Variants in MED12L observed in about 807,000 individuals in gnomAD.
The protein encoded by MED12L is mediator complex subunit 12L.
A neutral mutation model predicts 281.3 loss-of-function variants in MED12L; 60 were observed. That is an observed-to-expected ratio of 0.21 (90% CI 0.17 to 0.26). The LOEUF (loss-of-function observed/expected upper bound fraction) is 0.26. Among genes scored for constraint, MED12L ranks in the 10% least tolerant of loss-of-function variants. MED12L has a pLI of 1.00. For synonymous variants in MED12L, 974 were observed against 987.2 expected (o/e 0.99, Z 0.25); for missense variants, 2,146 against 2,680.9 (o/e 0.80, Z 4.41).
At chr3:151,209,989 T>A (rs773033496) in intron 16 of MED12L, among the ~76,000 whole-genome samples, 58 of 152,224 alleles carry the variant, frequency 3.8e-4, no homozygotes, top group Non-Finnish European at 1.5e-4. Flanking sequence ...CACTCAGCTT[T>A]GTAACCAGGA....
Position 151,364,978 on chromosome 3 carries a change from G to A in MED12L, c.2958-1G>A. ...TTTAACTTTTTTTCTTATAACCTCA[G>A]TAGTGCCTGTTCAAAAGTAAAGCAA... On this transcript the variant is annotated splice_acceptor_variant, in intron 21 of 44. Coordinates refer to ENST00000687756, the MANE Select transcript of MED12L (RefSeq NM_001393769.1). LOFTEE classifies it high-confidence loss of function. 3 of 1,609,436 alleles carry A rather than the reference G, an allele frequency of 1.9e-6. No individual in the cohort carries two copies. In the South Asian group the frequency reaches 3.3e-5, roughly 18 times the overall value.
intron 39 of MED12L, among the ~76,000 whole-genome samples, chr3:151,401,725 G>A (rs1272261514): frequency 6.6e-6 from 1 of 152,186 alleles, no homozygotes; most frequent in Non-Finnish European, 1.5e-5. Flanking sequence ...TTCAGAGGGT[G>A]TAATTAATAT....
In MED12L at chr3:151,286,372, ATTAT is replaced by A. The variant is rs376170636; in HGVS notation, c.2251-63681_2251-63678del. Among the ~76,000 whole-genome samples the A allele has an allele frequency of 3.8e-3, 572 of 152,346 alleles. 3 individuals carry two copies. The highest frequency in any genetic ancestry group is 0.013 in the African/African-American group (554 of 41,578). The stretch of plus-strand genomic sequence containing the variant: ...AGAAAAAATATAAATTAGAATTTAA[ATTAT>A]TTATTCCTTCTGCAAGCAAAAGCAA... On this transcript the variant is annotated intron_variant, in intron 16 of 44. Coordinates refer to ENST00000687756, the MANE Select transcript of MED12L (RefSeq NM_001393769.1).
intron 16 of MED12L, among the ~76,000 whole-genome samples, chr3:151,349,126 A>G (rs77977013): frequency 0.014 from 2,135 of 152,364 alleles, 44 homozygotes; most frequent in African/African-American, 0.048. Context: ...AGAAATTGCT[A>G]TAGAAAGATT....
At chr3:151,367,838 C>A in intron 24 of MED12L, 72 bp downstream of exon 24, 1 of 1,513,252 alleles carries the variant, frequency 6.6e-7, no homozygotes, top group Non-Finnish European at 9.0e-7. Flanking sequence ...AACATTACAA[C>A]ACAGGGAAAG....
At chr3:151,168,493 T>C (rs777545693) in intron 11 of MED12L, among the ~76,000 whole-genome samples, 2 of 152,178 alleles carry the variant, frequency 1.3e-5, no homozygotes, top group Admixed American at 1.3e-4. Context: ...TGCTCAGGAC[T>C]GAGAGTCCTG....
chr3:151,096,085 A>T (rs1214685517), intron 2 of MED12L, among the ~76,000 whole-genome samples: 1 of 152,214 alleles, frequency 6.6e-6, no homozygotes. Context: ...GTAATAAAAG[A>T]ACATGATAGC....
Position 151,198,502 on chromosome 3 carries a change from C to T in MED12L, c.2250+4836C>T, listed in dbSNP as rs779139442. 5 of 1,612,500 alleles carry T rather than the reference C, an allele frequency of 3.1e-6. No homozygotes were observed. In the East Asian group the frequency reaches 1.1e-4, roughly 36 times the overall value. ...TAGGTGAGGCAAAAGTCTCAGTGAC[C>T]TTTGAGCGGAATGCTTTTGAGAGGT... On this transcript the variant is annotated intron_variant, in intron 16 of 44. Transcript: ENST00000687756.
At chr3:151,355,093 A>G (rs1226360829) in intron 17 of MED12L, 28 bp from the exon 18 acceptor site, 2 of 1,548,112 alleles carry the variant, frequency 1.3e-6, no homozygotes, top group East Asian at 2.2e-5. Flanking sequence ...TAAATGGAAA[A>G]TAATGGATCT....
chr3:151,429,382 C>G (rs981473490), intron 43 of MED12L, among the ~76,000 whole-genome samples: 2 of 152,110 alleles, frequency 1.3e-5, no homozygotes, highest in African/African-American at 4.8e-5. Context: ...TGGGAAACAG[C>G]CAGCACCGTG....
chr3:151,168,537 A>G (rs1576876777), intron 11 of MED12L, among the ~76,000 whole-genome samples: 1 of 152,202 alleles, frequency 6.6e-6, no homozygotes. Context: ...TGGAAGGGCC[A>G]TCAGTGTTGC....
Position 151,432,929 on chromosome 3 carries a change from T to G in MED12L, c.*125T>G. On this transcript the variant is annotated 3_prime_UTR_variant, in exon 45 of 45. Transcript: ENST00000687756. ...TTCTTTGACATTTTACTATATTTTA[T>G]GCTACATCTCACAAAAAAAAAAAAA... is the stretch of plus-strand genomic sequence containing the variant. The G allele has an allele frequency of 1.4e-6, 1 of 694,562 alleles. No individual in the cohort carries two copies. The highest frequency in any genetic ancestry group is 3.6e-5 in the Admixed American group (1 of 27,974). 43.0% of individuals were successfully genotyped at this position (694,562 alleles called of 1,614,324 possible).
Position 151,367,769 on chromosome 3 carries a change from A to G in MED12L, c.3448+3A>G. 1.9e-6 allele frequency: 3 copies of G among 1,602,012 alleles called. No homozygotes were observed. The highest frequency in any genetic ancestry group is 2.6e-6 in the Non-Finnish European group (3 of 1,172,676). On this transcript the variant is annotated splice_donor_region_variant and intron_variant, in intron 24 of 44. Transcript: ENST00000687756. ...ACTTCCCTCTCTTCTAGCAGCAGGT[A>G]AGGCAGCATCCATGAACATCCGTTG...
chr3:151,114,376 A>G lies in MED12L; in HGVS notation c.100-1962A>G, dbSNP rs901440435. Among the ~76,000 whole-genome samples the G allele has an allele frequency of 5.3e-5, 8 of 152,302 alleles. No individual in the cohort carries two copies. The East Asian group carries it at 1.5e-3, about 29-fold the overall frequency. ...CCAAGGCATTAGTAAGAGCACACAT[A>G]ATTAAGTAAAGTTACATGGCATGTC... On this transcript the variant is annotated intron_variant, in intron 2 of 44. Transcript: ENST00000687756.
chr3:151,252,297 C>T (rs565575948), intron 16 of MED12L, among the ~76,000 whole-genome samples: 1 of 152,230 alleles, frequency 6.6e-6, no homozygotes, highest in East Asian at 1.9e-4. Context: ...CTTGTTTATA[C>T]CTTGTGTTCC....
At chr3:151,116,552 G>A in intron 3 of MED12L, 110 bp downstream of exon 3, 1 of 692,246 alleles carries the variant, frequency 1.4e-6, no homozygotes, top group Non-Finnish European at 2.5e-6. Flanking sequence ...TCCATATTCA[G>A]ATTTCCCCCA....
intron 44 of MED12L, among the ~76,000 whole-genome samples, chr3:151,431,331 A>G (rs1719480895): frequency 6.6e-6 from 1 of 152,180 alleles, no homozygotes; most frequent in African/African-American, 2.4e-5. Context: ...GAAACAGGTC[A>G]TGTAATTACT....
intron 8 of MED12L, among the ~76,000 whole-genome samples, chr3:151,163,656 A>G (rs1044609874): frequency 2.0e-5 from 3 of 152,172 alleles, no homozygotes; most frequent in Non-Finnish European, 4.4e-5. Context: ...TTGGAGTATT[A>G]GCTTATGAAT....
chr3:151,238,156 T>TTTTTC (rs1340783078), intron 16 of MED12L, among the ~76,000 whole-genome samples: 1 of 146,802 alleles, frequency 6.8e-6, no homozygotes, highest in Non-Finnish European at 1.5e-5. Context: ...TTTCTTTTTC[T>TTTTTC]TTTTTCTTGA....
Sources: allele counts gnomAD v4.1 joint callset (sites outside exome capture counted in the v4.1 genomes callset), GRCh38; gene constraint gnomAD v4.1.1; transcripts MANE v1.5; gene names NCBI Gene and HGNC (gene_info 2026-07-23, HGNC 2026-07-21).